The following IL16 variants were observed in gnomAD, a reference collection of about 807,000 sequenced individuals.
IL16 encodes the protein pro-interleukin-16.
Under a neutral mutation model 110.1 loss-of-function variants are expected in IL16, and 67 were observed. That is an observed-to-expected ratio of 0.61 (90% CI 0.50 to 0.75). IL16 has a LOEUF of 0.75. Among genes scored for constraint, IL16 ranks in the 30% least tolerant of loss-of-function variants. The pLI, the probability that IL16 is intolerant of heterozygous loss-of-function variation, is 0.00. For synonymous variants in IL16, 689 were observed against 662.9 expected (o/e 1.04, Z -0.61); for missense variants, 1,545 against 1,655.0 (o/e 0.93, Z 1.15).
chr15:81,303,783 G>C lies in IL16; in HGVS notation c.3420+133G>C. 4.5e-6 allele frequency: 3 copies of C among 665,866 alleles called. No individual in the cohort carries two copies. The highest frequency in any genetic ancestry group is 2.7e-5 in the East Asian group (1 of 37,674). 41.2% of individuals were successfully genotyped at this position (665,866 alleles called of 1,614,324 possible). A position where few individuals can be genotyped will look rare whatever the true frequency, so the allele number is the denominator to read the frequency against. On this transcript the variant is annotated intron_variant, in intron 16 of 18. Transcript: ENST00000683961. The surrounding 1 kb of genome is among the most constrained non-coding windows in gnomAD (Gnocchi z 4.1). Reference sequence around the variant, plus strand: ...GACACTAGGCCACTGGGCAGGTCCTGTCCACTCAGCACATCCCAGAGCCTG... The same window carrying C: ...GACACTAGGCCACTGGGCAGGTCCTCTCCACTCAGCACATCCCAGAGCCTG...
chr15:81,258,648 C>T (rs943456955), intron 2 of IL16, among the ~76,000 whole-genome samples: 23 of 151,646 alleles, frequency 1.5e-4, no homozygotes, highest in African/African-American at 4.8e-4. Context: ...TGCAGTGAGC[C>T]GAGATCACAC....
At chr15:81,293,189 T>C (rs1268385623) in intron 12 of IL16, 152 bp downstream of exon 12, 1 of 840,822 alleles carries the variant, frequency 1.2e-6, no homozygotes, top group Admixed American at 2.9e-5. Context: ...AGCTGAGGAC[T>C]GACCATGAAA....
rs770201187 is a variant in IL16 at position 81,300,072 on chromosome 15, G to C, written c.2746G>C (p.Asp916His). 6.4e-7 allele frequency: 1 copy of C among 1,569,090 alleles called. No homozygotes were observed. Among genetic ancestry groups the C allele is most frequent in the South Asian group, 1.2e-5 (1 of 82,850 alleles). Residue 916 changes from aspartate to histidine, a missense_variant, in exon 14 of 19, where the codon GAC becomes CAC. By Grantham distance (81) the Asp-to-His change is moderately conservative. This residue lies in a region of IL16 where 1,185 missense variants were observed against 1,238.8 expected (regional missense o/e 0.96). Coordinates refer to ENST00000683961, the MANE Select transcript of IL16 (RefSeq NM_172217.5). ...SGSPAASEAR[D>H]PGVSESPPPG... The stretch of plus-strand genomic sequence containing the variant: ...GTCCCCTGCAGCCTCCGAGGCCAGA[G>C]ACCCAGGTGTGTCTGAGTCCCCTCC...
At chr15:81,286,764 T>C (rs926791598) in intron 10 of IL16, among the ~76,000 whole-genome samples, 5 of 152,168 alleles carry the variant, frequency 3.3e-5, no homozygotes, top group African/African-American at 1.2e-4. Flanking sequence ...GGGCAATGTA[T>C]TAGTCTGTTC....
At chr15:81,301,632 TC>T (rs1900292306) in intron 15 of IL16, 120 bp downstream of exon 15, 3 of 790,574 alleles carry the variant, frequency 3.8e-6, no homozygotes, top group Non-Finnish European at 6.1e-6. Context: ...CCAGGTTGCG[TC>T]CTGTGATGGT....
chr15:81,214,259 C>T (rs1283408572), intron 1 of IL16, among the ~76,000 whole-genome samples: 1 of 152,108 alleles, frequency 6.6e-6, no homozygotes, highest in East Asian at 1.9e-4. Context: ...TAGCAGGTGT[C>T]ATCCTTTTAA....
chr15:81,238,642 A>C (rs1456501112), intron 2 of IL16, among the ~76,000 whole-genome samples: 1 of 152,116 alleles, frequency 6.6e-6, no homozygotes, highest in Non-Finnish European at 1.5e-5. Flanking sequence ...TGCCCCAACC[A>C]TAAAATATAA....
Position 81,273,209 on chromosome 15 carries a change from G to T in IL16, c.790+5G>T. The stretch of plus-strand genomic sequence containing the variant: ...CCGATGGAAGGCTACAGGAAGGTAG[G>T]CTTCCCAGCCCTTTTCAGACCATGG... On this transcript the variant is annotated splice_donor_5th_base_variant and intron_variant, in intron 6 of 18. Transcript: ENST00000683961. 1 of 1,592,774 alleles carries T rather than the reference G, an allele frequency of 6.3e-7. No individual in the cohort carries two copies. Among genetic ancestry groups the T allele is most frequent in the Non-Finnish European group, 8.6e-7 (1 of 1,163,696 alleles).
intron 2 of IL16, among the ~76,000 whole-genome samples, chr15:81,253,297 G>A (rs1045976527): frequency 2.6e-5 from 4 of 152,012 alleles, no homozygotes; most frequent in African/African-American, 9.7e-5. Flanking sequence ...CACATTTTTT[G>A]CCTATTTATA....
intron 2 of IL16, among the ~76,000 whole-genome samples, chr15:81,227,752 G>A (rs1896836063): frequency 6.6e-6 from 1 of 151,392 alleles, no homozygotes; most frequent in South Asian, 2.1e-4. Flanking sequence ...GACCAGTGAG[G>A]GGGACTGCAG....
In IL16 at chr15:81,309,566, G is replaced by A. The variant is rs1900747459; in HGVS notation, c.*768G>A. The stretch of plus-strand genomic sequence containing the variant: ...TAAGGGGAGAGGAAATATTGCTGGG[G>A]TCATTTATGAAAAATACAGTTTGTC... On this transcript the variant is annotated 3_prime_UTR_variant, in exon 19 of 19. Transcript: ENST00000683961. 6.6e-6 allele frequency: 1 copy of A among 152,228 alleles called. No individual in the cohort carries two copies. The highest frequency in any genetic ancestry group is 6.5e-5 in the Admixed American group (1 of 15,284). 9.4% of individuals were successfully genotyped at this position (152,228 alleles called of 1,614,324 possible). A position where few individuals can be genotyped will look rare whatever the true frequency, so the allele number is the denominator to read the frequency against.
chr15:81,196,949 C>G lies in IL16; in HGVS notation c.-305C>G. Reference sequence around the variant, plus strand: ...GTCCTACTCACGGCATCTCAACTATCGGAGCCTGGGATCTGACTCAAAGGC... The same window carrying G: ...GTCCTACTCACGGCATCTCAACTATGGGAGCCTGGGATCTGACTCAAAGGC... On this transcript the variant is annotated 5_prime_UTR_variant, in exon 1 of 19. In the 5' UTR this introduces an upstream ATG that the reference lacks. Coordinates refer to ENST00000683961, the MANE Select transcript of IL16 (RefSeq NM_172217.5). 7.9e-7 allele frequency: 1 copy of G among 1,263,156 alleles called. No homozygotes were observed. Among genetic ancestry groups the G allele is most frequent in the Non-Finnish European group, 1.0e-6 (1 of 979,524 alleles). 78.2% of individuals were successfully genotyped at this position (1,263,156 alleles called of 1,614,324 possible). A position where few individuals can be genotyped will look rare whatever the true frequency, so the allele number is the denominator to read the frequency against.
upstream of IL16, chr15:81,196,787 GGCAGC>G (rs1421288473): frequency 1.3e-5 from 14 of 1,063,046 alleles, no homozygotes; most frequent in Non-Finnish European, 1.6e-5. Context: ...TCTCAGCACT[GGCAGC>G]CCCCCTTTTT....
chr15:81,246,534 G>A (rs912633964), intron 2 of IL16, among the ~76,000 whole-genome samples: 6 of 152,200 alleles, frequency 3.9e-5, no homozygotes, highest in East Asian at 1.9e-4. Context: ...GGATTCAGTC[G>A]ACTATGATTT....
chr15:81,249,579 GTTAATCTGTCTT>G (rs1347706047), intron 2 of IL16, among the ~76,000 whole-genome samples: 2 of 152,136 alleles, frequency 1.3e-5, no homozygotes, highest in Non-Finnish European at 2.9e-5. Context: ...CCCTTTTGAA[GTTAATCTGTCTT>G]TTCTCTCTGG....
intron 9 of IL16, among the ~76,000 whole-genome samples, chr15:81,284,004 G>GAAAAA (rs565288106): frequency 2.4e-5 from 2 of 82,664 alleles, no homozygotes; most frequent in African/African-American, 4.4e-5. Flanking sequence ...CCCTGTCTCA[G>GAAAAA]AAAAAAAAAA....
chr15:81,250,194 A>C (rs1414999929), intron 2 of IL16, among the ~76,000 whole-genome samples: 1 of 151,992 alleles, frequency 6.6e-6, no homozygotes, highest in Non-Finnish European at 1.5e-5. Context: ...TTTTGAGACA[A>C]AGTCTTGCTG....
At chr15:81,289,680 C>T (rs1386581629) in intron 10 of IL16, among the ~76,000 whole-genome samples, 2 of 152,138 alleles carry the variant, frequency 1.3e-5, no homozygotes, top group African/African-American at 4.8e-5. Context: ...TAATCTGCAA[C>T]TCAACTATTT....
chr15:81,215,636 C>A (rs1322316859), intron 1 of IL16, among the ~76,000 whole-genome samples: 1 of 152,122 alleles, frequency 6.6e-6, no homozygotes, highest in Non-Finnish European at 1.5e-5. Context: ...GGATGCAGGG[C>A]CCCCTCTGGG....
Sources: allele counts gnomAD v4.1 joint callset (sites outside exome capture counted in the v4.1 genomes callset), GRCh38; gene constraint gnomAD v4.1.1; regional missense constraint gnomAD v4.1.1; non-coding constraint Gnocchi (gnomAD v3.1); transcripts MANE v1.5; gene names NCBI Gene and HGNC (gene_info 2026-07-23, HGNC 2026-07-21).